The following TAF2 variants were observed in gnomAD, a reference collection of about 807,000 sequenced individuals.
TAF2 encodes the protein TATA-box binding protein associated factor 2.
A neutral mutation model predicts 138.5 loss-of-function variants in TAF2; 61 were observed. The ratio of observed to expected loss-of-function variants is 0.44; its 90% CI spans 0.36 to 0.54. TAF2 has a LOEUF of 0.54. TAF2 is among the 20% of genes least tolerant of loss of function. The probability of loss-of-function intolerance (pLI) is 0.00; values close to 1 mark genes in which losing one functional copy is unlikely to be tolerated. For synonymous variants in TAF2, 475 were observed against 469.9 expected, an observed-to-expected ratio of 1.01 and a Z score of -0.14; for missense variants, 1,090 against 1,427.9, an observed-to-expected ratio of 0.76 and a Z score of 3.81.
intron 21 of TAF2, among the ~76,000 whole-genome samples, chr8:119,756,880 G>C (rs976825526): frequency 6.6e-6 from 1 of 152,082 alleles, no homozygotes; most frequent in Non-Finnish European, 1.5e-5. Context: ...AAAAAGAAAG[G>C]AGAAGTAAGA....
At chr8:119,791,516 T>C (rs1823429365) in intron 10 of TAF2, 57 bp from the exon 11 acceptor site, 1 of 1,561,196 alleles carries the variant, frequency 6.4e-7, no homozygotes, top group Admixed American at 1.9e-5. Context: ...AAATAAAAAA[T>C]AAATTTCATG....
chr8:119,824,933 G>T (rs910397791), intron 2 of TAF2, among the ~76,000 whole-genome samples: 42 of 152,248 alleles, frequency 2.8e-4, no homozygotes, highest in African/African-American at 1.0e-3. Flanking sequence ...GGCCAGTGCA[G>T]AAGAGAAATG....
chr8:119,764,554 G>C (rs2131070716), intron 18 of TAF2, among the ~76,000 whole-genome samples: 1 of 152,298 alleles, frequency 6.6e-6, no homozygotes, highest in African/African-American at 2.4e-5. Context: ...CAAATGGGTA[G>C]CAGGGCCTTA....
At chr8:119,824,584 C>T (rs1825983671) in intron 2 of TAF2, among the ~76,000 whole-genome samples, 4 of 152,276 alleles carry the variant, frequency 2.6e-5, no homozygotes, top group South Asian at 4.1e-4. Flanking sequence ...TTCACACAGC[C>T]CCTCCCATCA....
At chr8:119,750,273 G>A (rs761443458) in intron 22 of TAF2, among the ~76,000 whole-genome samples, 9 of 152,128 alleles carry the variant, frequency 5.9e-5, no homozygotes, top group Non-Finnish European at 1.2e-4. Context: ...CCTGGGAAGC[G>A]GAGCTTGCAG....
chr8:119,760,887 C>T (rs1586348810), intron 19 of TAF2, 149 bp from the exon 20 acceptor site: 2 of 978,744 alleles, frequency 2.0e-6, no homozygotes, highest in Non-Finnish European at 3.1e-6. Context: ...AGTCACAAGC[C>T]ATATAAAAGA....
rs761282855 is a variant in TAF2 at position 119,755,993 on chromosome 8, C to T, written c.2878+13G>A. 36 of 1,568,644 alleles carry T rather than the reference C, an allele frequency of 2.3e-5. No individual in the cohort carries two copies. The highest frequency in any genetic ancestry group is 3.3e-4 in the Middle Eastern group (2 of 6,018). On this transcript the variant is annotated intron_variant, in intron 22 of 25. Transcript: ENST00000378164. ...AGTAATAATAAAAACAATTTAAATC[C>T]CTGCTCTCTCACCAGAATTCATAAG...
chr8:119,744,449 T>C (rs565398026), intron 23 of TAF2, 56 bp from the exon 24 acceptor site: 89 of 1,473,446 alleles, frequency 6.0e-5, no homozygotes, highest in South Asian at 9.1e-5. Flanking sequence ...CATGTTATGT[T>C]TGGATATTAG....
chr8:119,799,147 T>A (rs994332640), intron 6 of TAF2, among the ~76,000 whole-genome samples: 9 of 134,980 alleles, frequency 6.7e-5, no homozygotes, highest in East Asian at 3.9e-4. Flanking sequence ...ATTGATTTTT[T>A]AAAATTTTTT....
rs1355253733 is a variant in TAF2, at chr8:119,795,540, T to C, written c.1183A>G (p.Ile395Val). The C allele has an allele frequency of 6.2e-7, 1 of 1,613,298 alleles. No individual in the cohort carries two copies. Residue 395 changes from isoleucine to valine, a missense_variant, in exon 9 of 26, where the codon ATT becomes GTT. By Grantham distance (29) the Ile-to-Val change is conservative. Around this residue, in one of 3 missense-constraint regions of TAF2, gnomAD observed 504 missense variants for 680.9 expected, o/e 0.74. Transcript: ENST00000378164. ...GATCTAGCTGTTATTACCTCTTTAA[T>C]CCAATGGCGGTACTCATTAACACCA... is the stretch of plus-strand genomic sequence containing the variant. ...TFGVNEYRHWIKEELDKIVAY... is the reference protein window; with the variant it reads ...TFGVNEYRHWVKEELDKIVAY...
At chr8:119,752,968 G>A (rs771417828) in intron 22 of TAF2, among the ~76,000 whole-genome samples, 21 of 152,082 alleles carry the variant, frequency 1.4e-4, no homozygotes, top group Non-Finnish European at 2.2e-4. Flanking sequence ...GGGTTCCAGC[G>A]GATTTGGGGA....
At chr8:119,815,675 GTT>G (rs1825412964) in intron 3 of TAF2, among the ~76,000 whole-genome samples, 1 of 152,072 alleles carries the variant, frequency 6.6e-6, no homozygotes, top group Non-Finnish European at 1.5e-5. Context: ...CACAGAGACA[GTT>G]TCTCTGACAA....
intron 18 of TAF2, among the ~76,000 whole-genome samples, chr8:119,774,993 A>G (rs930526003): frequency 6.6e-6 from 1 of 152,060 alleles, no homozygotes; most frequent in African/African-American, 2.4e-5. Flanking sequence ...ATTAAAAAAA[A>G]TTGGAGGCCA....
chr8:119,774,860 T>C (rs1289021577), intron 18 of TAF2, among the ~76,000 whole-genome samples: 2 of 151,996 alleles, frequency 1.3e-5, no homozygotes, highest in Non-Finnish European at 2.9e-5. Context: ...AATAGCTCAT[T>C]AAAAAATTTC....
chr8:119,819,044 A>T (rs1353100989), intron 3 of TAF2, among the ~76,000 whole-genome samples: 1 of 152,206 alleles, frequency 6.6e-6, no homozygotes, highest in Non-Finnish European at 1.5e-5. Flanking sequence ...TTCAAAATTT[A>T]TGAAGTAAAT....
intron 9 of TAF2, 73 bp downstream of exon 9, chr8:119,795,459 A>G (rs948867862): frequency 7.7e-7 from 1 of 1,295,736 alleles, no homozygotes; most frequent in Non-Finnish European, 1.1e-6. Flanking sequence ...GCAGTATTTT[A>G]AAAGTATTTT....
chr8:119,760,156 C>T (rs1820964935), intron 20 of TAF2, among the ~76,000 whole-genome samples: 3 of 151,932 alleles, frequency 2.0e-5, no homozygotes, highest in Non-Finnish European at 4.4e-5. Context: ...TATGTGTATT[C>T]TTCCCTTAGC....
intron 18 of TAF2, among the ~76,000 whole-genome samples, chr8:119,773,195 C>T (rs1275448108): frequency 1.3e-5 from 2 of 150,588 alleles, no homozygotes; most frequent in African/African-American, 4.9e-5. Context: ...TTAAACAGCA[C>T]AATTACCTAA....
chr8:119,778,259 C>T (rs1238614425), intron 17 of TAF2, 130 bp from the exon 18 acceptor site: 5 of 597,214 alleles, frequency 8.4e-6, no homozygotes, highest in South Asian at 7.8e-5. Flanking sequence ...CTAACACCTC[C>T]ACACCCCAAC....
Sources: gnomAD v4.1 joint callset for allele counts (sites outside exome capture counted in the v4.1 genomes callset) on GRCh38, gnomAD v4.1.1 for gene constraint, gnomAD v4.1.1 regional missense constraint, MANE v1.5 for transcripts, NCBI Gene and HGNC (gene_info 2026-07-23, HGNC 2026-07-21) for gene names.